Variants in MACROD2 observed in about 807,000 individuals in gnomAD.
The protein encoded by MACROD2 is ADP-ribose glycohydrolase MACROD2.
In MACROD2, 36 loss-of-function variants were observed where a neutral mutation model predicts 70.4. The observed-to-expected ratio is 0.51, with a 90% CI of 0.39 to 0.68. MACROD2 has a LOEUF of 0.68. MACROD2 is among the 30% of genes least tolerant of loss of function. The pLI is 0.00. For missense variants in MACROD2, 496 were observed against 538.4 expected (o/e 0.92, Z 0.78); for synonymous variants, 172 against 178.8 (o/e 0.96, Z 0.30).
At position 14,326,053 on chromosome 20, in the gene MACROD2, C is replaced by T. The variant is rs753706378; in HGVS notation, c.272-167426C>T. ...AGTTTCATCAAATAGGTAGAGGTTGCTGGTTTCCATGGGAACCATGCATAC... is the reference window on the plus strand; with the variant it reads ...AGTTTCATCAAATAGGTAGAGGTTGTTGGTTTCCATGGGAACCATGCATAC... On this transcript the variant is annotated intron_variant, in intron 3 of 17. Coordinates refer to ENST00000684519, the MANE Select transcript of MACROD2 (RefSeq NM_001351661.2). This position sits in a 1 kb window ranked among gnomAD's most constrained non-coding sequence, Gnocchi z 5.5. The T allele has an allele frequency of 5.0e-6, 8 of 1,613,798 alleles. No homozygotes were observed. Among genetic ancestry groups the T allele is most frequent in the Non-Finnish European group, 6.8e-6 (8 of 1,179,880 alleles).
At chr20:15,282,872 G>A (rs1203298370) in intron 6 of MACROD2, among the ~76,000 whole-genome samples, 7 of 152,094 alleles carry the variant, frequency 4.6e-5, no homozygotes, top group Non-Finnish European at 1.0e-4. Context: ...TTCTTATGCC[G>A]CTATGAAGAA....
chr20:15,012,866 CTG>C (rs1298346929), intron 5 of MACROD2, among the ~76,000 whole-genome samples: 1 of 152,122 alleles, frequency 6.6e-6, no homozygotes, highest in Non-Finnish European at 1.5e-5. Context: ...GGTGGGTTTC[CTG>C]TGCACCTTGG....
intron 3 of MACROD2, among the ~76,000 whole-genome samples, chr20:14,445,884 G>A (rs1966868951): frequency 6.6e-6 from 1 of 152,068 alleles, no homozygotes; most frequent in Non-Finnish European, 1.5e-5. Flanking sequence ...TCTGATCACT[G>A]GGCCTCTAAG....
intron 3 of MACROD2, among the ~76,000 whole-genome samples, chr20:14,173,058 C>G (rs1176326651): frequency 6.6e-6 from 1 of 152,138 alleles, no homozygotes; most frequent in East Asian, 1.9e-4. Flanking sequence ...ATGCTTTTGC[C>G]TTACAGCTCT....
chr20:15,567,100 G>GTT (rs148176034), intron 8 of MACROD2, among the ~76,000 whole-genome samples: 212 of 146,096 alleles, frequency 1.5e-3, no homozygotes, highest in South Asian at 3.0e-3. Context: ...ACTATTGTGG[G>GTT]GTTTTTTTTT....
intron 5 of MACROD2, among the ~76,000 whole-genome samples, chr20:15,188,105 A>G (rs1032666483): frequency 6.6e-6 from 1 of 152,174 alleles, no homozygotes; most frequent in African/African-American, 2.4e-5. Context: ...CATCTTTGAT[A>G]TATTAATATA....
At chr20:15,879,342 T>C (rs1053421378) in intron 9 of MACROD2, among the ~76,000 whole-genome samples, 7 of 152,046 alleles carry the variant, frequency 4.6e-5, no homozygotes, top group Non-Finnish European at 1.0e-4. Context: ...TTTAATATTT[T>C]TTTGTTCCTA....
At chr20:14,589,944 A>C (rs1275670544) in intron 4 of MACROD2, among the ~76,000 whole-genome samples, 3 of 152,122 alleles carry the variant, frequency 2.0e-5, no homozygotes, top group Non-Finnish European at 4.4e-5. Flanking sequence ...ATGTGCTTTG[A>C]GCTGCTTTTG....
intron 5 of MACROD2, among the ~76,000 whole-genome samples, chr20:15,229,478 G>C (rs2076941005): frequency 6.6e-6 from 1 of 151,980 alleles, no homozygotes; most frequent in Non-Finnish European, 1.5e-5. Context: ...TCAGAAACTT[G>C]CTCTTCTTTA....
chr20:14,089,317 G>A (rs1305830004), intron 3 of MACROD2, among the ~76,000 whole-genome samples: 1 of 152,166 alleles, frequency 6.6e-6, no homozygotes, highest in African/African-American at 2.4e-5. Flanking sequence ...GAGTGGAACA[G>A]CTGTTAACTT....
At chr20:14,279,135 G>A (rs942222358) in intron 3 of MACROD2, among the ~76,000 whole-genome samples, 1 of 152,120 alleles carries the variant, frequency 6.6e-6, no homozygotes, top group South Asian at 2.1e-4. Context: ...GTTGTACATG[G>A]GGTACTAAAG....
intron 3 of MACROD2, among the ~76,000 whole-genome samples, chr20:14,318,339 G>A (rs546338654): frequency 1.3e-5 from 2 of 152,260 alleles, no homozygotes; most frequent in South Asian, 4.1e-4. Flanking sequence ...CCCCGTGGCT[G>A]CATGCTTCCT....
In MACROD2 at chr20:14,085,614, A is replaced by G. The variant is rs1425496826; in HGVS notation, c.164-7A>G. On this transcript the variant is annotated splice_polypyrimidine_tract_variant and splice_region_variant and intron_variant, in intron 2 of 17. Transcript: ENST00000684519. ...TATTATTGATATATATCCATTTTCT[A>G]TTACAGAAGAAAATACTCAGGAAAC... 1 of 1,480,204 alleles carries G rather than the reference A, an allele frequency of 6.8e-7. No individual in the cohort carries two copies. Among genetic ancestry groups the G allele is most frequent in the African/African-American group, 1.4e-5 (1 of 70,594 alleles). The allele number at this position is 1,480,204 out of a possible 1,614,324, so 91.7% of individuals were successfully genotyped here.
At chr20:15,405,201 G>A (rs1830318496) in intron 6 of MACROD2, among the ~76,000 whole-genome samples, 1 of 151,772 alleles carries the variant, frequency 6.6e-6, no homozygotes, top group Non-Finnish European at 1.5e-5. Context: ...TATGGAATTA[G>A]GCAGAGGTGG....
At chr20:15,590,945 GAAAGAAAGAAAGAA>G (rs1281676720) in intron 8 of MACROD2, among the ~76,000 whole-genome samples, 4 of 126,284 alleles carry the variant, frequency 3.2e-5, no homozygotes, top group African/African-American at 5.2e-5. Flanking sequence ...GAAAGAGAGA[GAAAGAAAGAAAGAA>G]AAAGAAAGAA....
chr20:15,916,121 AT>A (rs1470551172), intron 10 of MACROD2, among the ~76,000 whole-genome samples: 1 of 152,114 alleles, frequency 6.6e-6, no homozygotes, highest in Non-Finnish European at 1.5e-5. Context: ...TGTGTAACAT[AT>A]TTGTGGAGCC....
chr20:15,738,174 A>C (rs2051052914), intron 8 of MACROD2, among the ~76,000 whole-genome samples: 1 of 152,206 alleles, frequency 6.6e-6, no homozygotes, highest in African/African-American at 2.4e-5. Flanking sequence ...TGTACATTTT[A>C]AAGTAACTGA....
intron 5 of MACROD2, among the ~76,000 whole-genome samples, chr20:14,687,363 TAA>T (rs1030776300): frequency 5.3e-5 from 8 of 152,218 alleles, no homozygotes; most frequent in African/African-American, 1.9e-4. Context: ...GATAATTTTT[TAA>T]ATGTGCTTGT....
intron 5 of MACROD2, among the ~76,000 whole-genome samples, chr20:14,990,503 TTTTTTC>T (rs1432553758): frequency 1.8e-3 from 275 of 151,164 alleles, no homozygotes; most frequent in African/African-American, 6.1e-3. Flanking sequence ...TTTCCTTTTT[TTTTTTC>T]TTTTTCTTTT....
Sources: allele counts gnomAD v4.1 joint callset (sites outside exome capture counted in the v4.1 genomes callset), GRCh38; gene constraint gnomAD v4.1.1; non-coding constraint Gnocchi (gnomAD v3.1); transcripts MANE v1.5; gene names NCBI Gene and HGNC (gene_info 2026-07-23, HGNC 2026-07-21).